FMN2: variants seen among roughly 807,000 people sequenced by gnomAD.
FMN2 encodes the protein formin-2.
In FMN2, 51 loss-of-function variants were observed where a neutral mutation model predicts 142.3. The observed-to-expected ratio is 0.36, with a 90% CI of 0.29 to 0.45. FMN2 has a LOEUF of 0.45. Among genes scored for constraint, FMN2 ranks in the 20% least tolerant of loss-of-function variants. The pLI is 1.00. For missense variants in FMN2, 1,936 were observed against 2,122.8 expected, an observed-to-expected ratio of 0.91 and a Z score of 1.73; for synonymous variants, 882 against 869.8, an observed-to-expected ratio of 1.01 and a Z score of -0.25.
At chr1:240,412,335 C>T (rs1389539160) in intron 15 of FMN2, among the ~76,000 whole-genome samples, 1 of 152,038 alleles carries the variant, frequency 6.6e-6, no homozygotes, top group Non-Finnish European at 1.5e-5. Context: ...AGCTGTATTG[C>T]AACGGACTGA....
chr1:240,205,356 T>C (rs896718362), intron 4 of FMN2, among the ~76,000 whole-genome samples: 1 of 152,152 alleles, frequency 6.6e-6, no homozygotes, highest in African/African-American at 2.4e-5. Flanking sequence ...TGTCTTCCTA[T>C]GTTTGTTTGT....
rs868634647 is a variant in FMN2 at position 240,207,748 on chromosome 1, C to T, written c.2936C>T (p.Pro979Leu). 6.6e-7 allele frequency: 1 copy of T among 1,511,484 alleles called. No individual in the cohort carries two copies. Among genetic ancestry groups the T allele is most frequent in the Non-Finnish European group, 9.1e-7 (1 of 1,102,262 alleles). 93.6% of individuals were successfully genotyped at this position (1,511,484 alleles called of 1,614,324 possible). Reference sequence around the variant, plus strand: ...CCCGGAGCAGGAATACCTCCTCCACCCCCTCTACCCGGAGCGGGCATACCC... The same window carrying T: ...CCCGGAGCAGGAATACCTCCTCCACTCCCTCTACCCGGAGCGGGCATACCC... The part of the protein sequence containing the change: ...PLPGAGIPPP[P>L]PLPGAGIPPP... Residue 979 changes from proline (P) to leucine (L), a missense_variant, in exon 5 of 18, where the codon CCC (proline) becomes CTC (leucine). Transcript: ENST00000319653.
chr1:240,097,402 C>T (rs934384227), intron 1 of FMN2, among the ~76,000 whole-genome samples: 2 of 150,352 alleles, frequency 1.3e-5, no homozygotes, highest in Non-Finnish European at 2.9e-5. Context: ...GTTGCCCAGG[C>T]TGGAGTGCAG....
intron 7 of FMN2, among the ~76,000 whole-genome samples, chr1:240,281,751 C>CTG (rs34805285): frequency 0.62 from 94,859 of 151,780 alleles, 31,317 homozygotes; most frequent in African/African-American, 0.85. Flanking sequence ...CACAATATCA[C>CTG]TCATTTTTTG....
chr1:240,115,470 G>T (rs1156834259), intron 1 of FMN2, among the ~76,000 whole-genome samples: 3 of 152,144 alleles, frequency 2.0e-5, no homozygotes, highest in Non-Finnish European at 4.4e-5. Context: ...TCAAAGGGGT[G>T]AATTTTTAAA....
chr1:240,336,710 T>C (rs959546736), intron 13 of FMN2, among the ~76,000 whole-genome samples: 2 of 152,110 alleles, frequency 1.3e-5, no homozygotes, highest in Non-Finnish European at 2.9e-5. Context: ...AACAGAAGAA[T>C]GGCATTTACC....
chr1:240,105,826 T>C (rs1661587752), intron 1 of FMN2, among the ~76,000 whole-genome samples: 1 of 152,200 alleles, frequency 6.6e-6, no homozygotes, highest in Non-Finnish European at 1.5e-5. Flanking sequence ...ATCTATAGCT[T>C]ACAGTTATAT....
At chr1:240,227,366 G>A (rs1358996221) in intron 6 of FMN2, among the ~76,000 whole-genome samples, 3 of 152,138 alleles carry the variant, frequency 2.0e-5, no homozygotes, top group Non-Finnish European at 4.4e-5. Flanking sequence ...GATGATACTT[G>A]CCAAGTTGTC....
chr1:240,229,338 CT>C (rs968619506), intron 6 of FMN2, among the ~76,000 whole-genome samples: 3 of 152,142 alleles, frequency 2.0e-5, no homozygotes, highest in South Asian at 2.1e-4. Flanking sequence ...ATTCTTCCCC[CT>C]CTTCCTCACC....
intron 15 of FMN2, among the ~76,000 whole-genome samples, chr1:240,413,078 G>T (rs1357854707): frequency 7.6e-6 from 1 of 131,964 alleles, no homozygotes; most frequent in East Asian, 2.8e-4. Flanking sequence ...AGCCGAGATG[G>T]TGCCACTGCA....
intron 10 of FMN2, among the ~76,000 whole-genome samples, chr1:240,330,177 TCTG>T (rs1671329932): frequency 6.6e-6 from 1 of 152,228 alleles, no homozygotes. Flanking sequence ...TTTGGTTTCC[TCTG>T]CTGATGCCAA....
At chr1:240,214,273 C>G (rs901389317) in intron 6 of FMN2, among the ~76,000 whole-genome samples, 1 of 152,024 alleles carries the variant, frequency 6.6e-6, no homozygotes, top group Non-Finnish European at 1.5e-5. Context: ...TGATCTTGGC[C>G]GGGTGTGGTG....
At chr1:240,370,052 C>A (rs9725359) in intron 14 of FMN2, among the ~76,000 whole-genome samples, 101,289 of 151,956 alleles carry the variant, frequency 0.67, 34,785 homozygotes, top group African/African-American at 0.83. Context: ...GTGGTTATGT[C>A]GGACGATTTG....
Position 240,207,288 on chromosome 1 carries a change from G to A in FMN2, c.2476G>A (p.Gly826Arg), listed in dbSNP as rs1367797241. 2.5e-6 allele frequency: 4 copies of A among 1,613,934 alleles called. No individual in the cohort carries two copies. The highest frequency in any genetic ancestry group is 3.4e-6 in the Non-Finnish European group (4 of 1,179,918). Residue 826 changes from glycine to arginine, a missense_variant, in exon 5 of 18, where the codon GGG becomes AGG. Gly to Arg is a moderately radical substitution (Grantham distance 125). Around this residue, in one of 8 missense-constraint regions of FMN2, gnomAD observed 478 missense variants for 462.8 expected, o/e 1.03. Transcript: ENST00000319653. ...LLWSAGQGQPGSQPPHSISTE... is the reference protein window; with the variant it reads ...LLWSAGQGQPRSQPPHSISTE... ...GTGGTCTGCTGGGCAAGGACAGCCT[G>A]GGTCACAGCCGCCCCATTCTATTTC...
intron 8 of FMN2, among the ~76,000 whole-genome samples, chr1:240,328,156 A>AAAAAAAAAAAAAAAAAAAAAT (rs1671243365): frequency 6.8e-6 from 1 of 146,834 alleles, no homozygotes; most frequent in African/African-American, 2.5e-5. Context: ...TCAAAAAAAA[A>AAAAAAAAAAAAAAAAAAAAAT]AAAAAAAAAA....
intron 15 of FMN2, among the ~76,000 whole-genome samples, chr1:240,409,994 A>G (rs1484203024): frequency 6.6e-6 from 1 of 152,196 alleles, no homozygotes; most frequent in Non-Finnish European, 1.5e-5. Flanking sequence ...TGACCAAAAA[A>G]GCTAGTTTTT....
chr1:240,344,053 A>G (rs1671825609), intron 13 of FMN2, among the ~76,000 whole-genome samples: 1 of 152,176 alleles, frequency 6.6e-6, no homozygotes, highest in African/African-American at 2.4e-5. Flanking sequence ...AGGAATTTTC[A>G]TTTTACTCTA....
chr1:240,155,808 A>G (rs1054434745), intron 2 of FMN2, among the ~76,000 whole-genome samples: 1 of 151,902 alleles, frequency 6.6e-6, no homozygotes, highest in Non-Finnish European at 1.5e-5. Context: ...TGAGCAATGC[A>G]CAATTTGTTA....
chr1:240,382,138 AAAAT>A (rs1673246448), intron 14 of FMN2, among the ~76,000 whole-genome samples: 1 of 152,246 alleles, frequency 6.6e-6, no homozygotes, highest in Admixed American at 6.5e-5. Context: ...TTCAGGTTAC[AAAAT>A]AAATGTATAA....
Sources: allele counts gnomAD v4.1 joint callset (sites outside exome capture counted in the v4.1 genomes callset), GRCh38; gene constraint gnomAD v4.1.1; regional missense constraint gnomAD v4.1.1; transcripts MANE v1.5; gene names NCBI Gene and HGNC (gene_info 2026-07-23, HGNC 2026-07-21).